HSF1: variants seen among roughly 807,000 people sequenced by gnomAD.
The protein encoded by HSF1 is heat shock transcription factor 1.
In HSF1, 32 loss-of-function variants were observed where a neutral mutation model predicts 51.7. The observed-to-expected ratio is 0.62, with a 90% CI of 0.47 to 0.83. HSF1 has a LOEUF of 0.83. HSF1 is among the 40% of genes least tolerant of loss of function. The probability of loss-of-function intolerance (pLI) is 0.00; values close to 1 mark genes in which losing one functional copy is unlikely to be tolerated. For synonymous variants in HSF1, 396 were observed against 309.7 expected (o/e 1.28, Z -2.92); for missense variants, 727 against 717.0 (o/e 1.01, Z -0.16).
chr8:144,308,178 C>T (rs1008472518), intron 1 of HSF1, among the ~76,000 whole-genome samples: 1 of 152,214 alleles, frequency 6.6e-6, no homozygotes, highest in African/African-American at 2.4e-5. Flanking sequence ...CACCCCTCAC[C>T]CCTCTCTGGC....
intron 9 of HSF1, chr8:144,312,569 C>T (rs774572912): frequency 1.6e-5 from 22 of 1,391,362 alleles, no homozygotes; most frequent in Middle Eastern, 1.7e-4. Flanking sequence ...TGAGCAGGGC[C>T]GGCCTCCACA....
Position 144,309,914 on chromosome 8 carries a change from A to G in HSF1, c.488+18A>G, listed in dbSNP as rs1554844036. 6.2e-7 allele frequency: 1 copy of G among 1,610,038 alleles called. No individual in the cohort carries two copies. Among genetic ancestry groups the G allele is most frequent in the East Asian group, 2.2e-5 (1 of 44,748 alleles). On this transcript the variant is annotated intron_variant, in intron 4 of 12. Coordinates refer to ENST00000528838, the MANE Select transcript of HSF1 (RefSeq NM_005526.4). Reference sequence around the variant, plus strand: ...ATGAAGCAGTAGGTCCCACACCAGCATTATGGGCCACAGCGGGTCCTGGCG... The same window carrying G: ...ATGAAGCAGTAGGTCCCACACCAGCGTTATGGGCCACAGCGGGTCCTGGCG...
intron 1 of HSF1, among the ~76,000 whole-genome samples, chr8:144,307,089 C>T (rs1554843432): frequency 2.0e-5 from 3 of 152,218 alleles, no homozygotes; most frequent in African/African-American, 4.8e-5. Flanking sequence ...CACGTGTACA[C>T]GGCTGCGAGA....
At position 144,314,696 on chromosome 8, in the gene HSF1, A is replaced by C; in HGVS notation, c.*366A>C. On this transcript the variant is annotated 3_prime_UTR_variant, in exon 13 of 13. Transcript: ENST00000528838. ...GGATGGACGGACAAGACAGGCAGAG[A>C]TCTATAAACAGACAGGCTCTATGCT... is the stretch of plus-strand genomic sequence containing the variant. 1 of 269,280 alleles carries C rather than the reference A, an allele frequency of 3.7e-6. No homozygotes were observed. The highest frequency in any genetic ancestry group is 2.1e-5 in the African/African-American group (1 of 46,756). 16.7% of individuals were successfully genotyped at this position (269,280 alleles called of 1,614,324 possible).
intron 3 of HSF1, 77 bp from the exon 4 acceptor site, chr8:144,309,695 C>T: frequency 1.3e-6 from 2 of 1,598,196 alleles, no homozygotes; most frequent in Non-Finnish European, 1.7e-6. Context: ...CCTGAGGGAC[C>T]TGGCTGCAGT....
In HSF1 at chr8:144,314,230, G is replaced by T; in HGVS notation, c.1490G>T (p.Gly497Val). 6.5e-7 allele frequency: 1 copy of T among 1,550,298 alleles called. No homozygotes were observed. Among genetic ancestry groups the T allele is most frequent in the Non-Finnish European group, 8.7e-7 (1 of 1,146,938 alleles). Residue 497 changes from glycine (G) to valine (V), a missense_variant, in exon 13 of 13, where the codon GGC becomes GTC. Gly to Val is a moderately radical substitution (Grantham distance 109). Transcript: ENST00000528838. ...CCGGTGCTGTTTGAGCTGGGAGAGG[G>T]CTCCTACTTCTCCGAAGGGGACGGC... ...DLPVLFELGEGSYFSEGDGFA... is the reference protein window; with the variant it reads ...DLPVLFELGEVSYFSEGDGFA...
At chr8:144,313,117 G>A in intron 9 of HSF1, 1 of 387,914 alleles carries the variant, frequency 2.6e-6, no homozygotes, top group African/African-American at 2.0e-5. Flanking sequence ...CCCCACAGCA[G>A]CACCAGGGCA....
Position 144,313,866 on chromosome 8 carries a change from C to T in HSF1, c.1269C>T (p.Thr423=), listed in dbSNP as rs782591685. ...CGCAGCTGTTCAGCCCCTCGGTGAC[C>T]GTGCCCGACATGAGCCTGCCTGACC... The part of the protein sequence containing the change: ...ALLDLFSPSV[T]VPDMSLPDLD... The change falls in exon 11 of 13, where the codon ACC becomes ACT. Residue 423 remains threonine, a synonymous_variant. Transcript: ENST00000528838. 4 of 1,601,348 alleles carry T rather than the reference C, an allele frequency of 2.5e-6. No individual in the cohort carries two copies. The South Asian group carries it at 3.3e-5, about 13-fold the overall frequency.
At chr8:144,303,352 C>T (rs1015833549) in intron 1 of HSF1, among the ~76,000 whole-genome samples, 1 of 152,012 alleles carries the variant, frequency 6.6e-6, no homozygotes, top group African/African-American at 2.4e-5. Flanking sequence ...CTTAGAGGAG[C>T]TGTTGTTCCC....
intron 8 of HSF1, 41 bp downstream of exon 8, chr8:144,311,877 G>A: frequency 2.5e-6 from 4 of 1,586,630 alleles, no homozygotes; most frequent in South Asian, 1.1e-5. Context: ...CCCCCAATGA[G>A]GCGAGCCCCT....
At chr8:144,299,312 C>T (rs1223210016) in intron 1 of HSF1, among the ~76,000 whole-genome samples, 1 of 152,056 alleles carries the variant, frequency 6.6e-6, no homozygotes, top group Non-Finnish European at 1.5e-5. Context: ...TGATGGGCGC[C>T]TGTGGTCCCA....
intron 1 of HSF1, among the ~76,000 whole-genome samples, chr8:144,294,420 T>A (rs1554840953): frequency 6.6e-6 from 1 of 152,102 alleles, no homozygotes; most frequent in Non-Finnish European, 1.5e-5. Flanking sequence ...TCTGCTGCCT[T>A]CTCTGGGAGA....
intron 1 of HSF1, among the ~76,000 whole-genome samples, chr8:144,301,112 A>C (rs1815832710): frequency 6.6e-6 from 1 of 152,198 alleles, no homozygotes; most frequent in African/African-American, 2.4e-5. Context: ...ACAGTGGGGA[A>C]GAGAATACAG....
At chr8:144,309,276 G>A (rs917485427) in intron 2 of HSF1, 179 bp from the exon 3 acceptor site, 1 of 789,088 alleles carries the variant, frequency 1.3e-6, no homozygotes, top group Non-Finnish European at 2.0e-6. Flanking sequence ...GGAGCCCTGT[G>A]GGGACACAGG....
In HSF1 at chr8:144,308,270, C is replaced by T. The variant is rs149855220; in HGVS notation, c.118-636C>T. Among the ~76,000 whole-genome samples, 383 of 152,352 alleles carry T rather than the reference C, an allele frequency of 2.5e-3. 3 individuals carry two copies. The highest frequency in any genetic ancestry group is 8.9e-3 in the African/African-American group (368 of 41,568). ...CGATGTCCCCTCTGAGCCACCGCGG[C>T]CACGGCCAACAGGGATGCCTCCCTC... On this transcript the variant is annotated intron_variant, in intron 1 of 12. Coordinates refer to ENST00000528838, the MANE Select transcript of HSF1 (RefSeq NM_005526.4).
chr8:144,301,721 C>T (rs7388446), intron 1 of HSF1, among the ~76,000 whole-genome samples: 79,341 of 151,766 alleles, frequency 0.52, 20,989 homozygotes, highest in Admixed American at 0.65. Context: ...AAAAATTAGC[C>T]GGGCGTGGTG....
chr8:144,313,819 G>C (rs782320282), intron 10 of HSF1, 27 bp from the exon 11 acceptor site: 2 of 1,490,092 alleles, frequency 1.3e-6, no homozygotes, highest in Admixed American at 3.8e-5. Context: ...CCCGGGTGCT[G>C]TTCTGACTTC....
intron 2 of HSF1, 26 bp from the exon 3 acceptor site, chr8:144,309,429 G>A (rs782334679): frequency 1.2e-5 from 19 of 1,613,228 alleles, no homozygotes; most frequent in Non-Finnish European, 1.6e-5. Context: ...CTGAGGCAGA[G>A]CTGCCCCCTT....
intron 9 of HSF1, chr8:144,312,763 C>G: frequency 6.8e-7 from 1 of 1,468,288 alleles, no homozygotes; most frequent in South Asian, 1.2e-5. Flanking sequence ...GCGCTCGGGC[C>G]CTCCCACACA....
Sources: allele counts gnomAD v4.1 joint callset (sites outside exome capture counted in the v4.1 genomes callset), GRCh38; gene constraint gnomAD v4.1.1; transcripts MANE v1.5; gene names NCBI Gene and HGNC (gene_info 2026-07-23, HGNC 2026-07-21).